ZNF609: variants seen among roughly 807,000 people sequenced by gnomAD.
ZNF609 encodes zinc finger protein 609.
A neutral mutation model predicts 109.5 loss-of-function variants in ZNF609; 11 were observed. That is an observed-to-expected ratio of 0.10 (90% CI 0.06 to 0.17). The LOEUF (loss-of-function observed/expected upper bound fraction) is 0.17, where lower values mean the gene tolerates loss of function less well. Among genes scored for constraint, ZNF609 ranks in the 10% least tolerant of loss-of-function variants. The pLI, the probability that ZNF609 is intolerant of heterozygous loss-of-function variation, is 1.00. For missense variants in ZNF609, 1,559 were observed against 1,772.4 expected (o/e 0.88, Z 2.16); for synonymous variants, 646 against 662.0 (o/e 0.98, Z 0.37).
chr15:64,616,381 G>A (rs1201812544), intron 2 of ZNF609, among the ~76,000 whole-genome samples: 2 of 152,058 alleles, frequency 1.3e-5, no homozygotes, highest in Admixed American at 6.6e-5. Flanking sequence ...GGCAGTTGAA[G>A]TAGGTATATA....
At chr15:64,681,514 A>G in intron 9 of ZNF609, 127 bp downstream of exon 9, 1 of 764,984 alleles carries the variant, frequency 1.3e-6, no homozygotes, top group Non-Finnish European at 2.2e-6. Context: ...ACCCTGGCCA[A>G]GCCTCTTGTA....
Position 64,655,355 on chromosome 15 carries a change from G to A in ZNF609, c.974-14991G>A, listed in dbSNP as rs1016433459. ...TACTCGGGAGGCAGGAGAATCGCTT[G>A]AACCTGGGAGGCGGAGGTTGTGGTG... is the stretch of plus-strand genomic sequence containing the variant. On this transcript the variant is annotated intron_variant, in intron 3 of 9. Transcript: ENST00000326648. 1.4e-4 allele frequency among the ~76,000 whole-genome samples: 21 copies of A among 151,870 alleles called. No homozygotes were observed. The East Asian group carries it at 3.9e-3, about 28-fold the overall frequency.
At chr15:64,495,441 T>C (rs948396589) in intron 1 of ZNF609, among the ~76,000 whole-genome samples, 3 of 152,194 alleles carry the variant, frequency 2.0e-5, no homozygotes, top group Admixed American at 1.3e-4. Flanking sequence ...TCGCCCAGTC[T>C]AGAGTATAGT....
chr15:64,588,883 A>G (rs1895247757), intron 2 of ZNF609, among the ~76,000 whole-genome samples: 1 of 152,004 alleles, frequency 6.6e-6, no homozygotes, highest in South Asian at 2.1e-4. Flanking sequence ...GGTTCGGGTT[A>G]TCCACCTGCC....
chr15:64,548,623 T>G (rs1239950634), intron 2 of ZNF609, among the ~76,000 whole-genome samples: 1 of 152,116 alleles, frequency 6.6e-6, no homozygotes, highest in Admixed American at 6.6e-5. Flanking sequence ...CAAAAATTAC[T>G]TGGGCATAGT....
At chr15:64,595,338 G>A (rs571416176) in intron 2 of ZNF609, among the ~76,000 whole-genome samples, 113 of 150,166 alleles carry the variant, frequency 7.5e-4, no homozygotes, top group Non-Finnish European at 1.4e-3. Flanking sequence ...TCCAGCCTGG[G>A]CGACAGAGGA....
At chr15:64,569,978 G>A (rs1440126368) in intron 2 of ZNF609, among the ~76,000 whole-genome samples, 1 of 151,964 alleles carries the variant, frequency 6.6e-6, no homozygotes, top group Non-Finnish European at 1.5e-5. Flanking sequence ...GAACGGAATT[G>A]CCTAGATCAC....
At chr15:64,628,277 G>A (rs1023176644) in intron 3 of ZNF609, among the ~76,000 whole-genome samples, 1 of 151,892 alleles carries the variant, frequency 6.6e-6, no homozygotes, top group Non-Finnish European at 1.5e-5. Context: ...TTCCAGGCTG[G>A]GTGACGGAGT....
At chr15:64,464,136 A>C (rs945321066) in intron 1 of ZNF609, among the ~76,000 whole-genome samples, 2 of 152,210 alleles carry the variant, frequency 1.3e-5, no homozygotes, top group Non-Finnish European at 2.9e-5. Context: ...ATATGGAGGC[A>C]TAATTTTGGC....
intron 8 of ZNF609, 139 bp from the exon 9 acceptor site, chr15:64,681,170 A>G (rs547695780): frequency 2.6e-6 from 2 of 772,372 alleles, no homozygotes; most frequent in East Asian, 4.9e-5. Flanking sequence ...TGAGAAATAG[A>G]GCCTTATTAT....
chr15:64,523,110 A>G (rs1452256053), intron 2 of ZNF609, among the ~76,000 whole-genome samples: 1 of 152,220 alleles, frequency 6.6e-6, no homozygotes, highest in Non-Finnish European at 1.5e-5. Context: ...GACATTTATA[A>G]TATCAGGTAT....
At chr15:64,632,559 G>A (rs1263726926) in intron 3 of ZNF609, among the ~76,000 whole-genome samples, 1 of 151,894 alleles carries the variant, frequency 6.6e-6, no homozygotes, top group Non-Finnish European at 1.5e-5. Context: ...TTGGCTCACT[G>A]CAACCTCCAC....
At chr15:64,492,275 A>G (rs1893424342) in intron 1 of ZNF609, among the ~76,000 whole-genome samples, 1 of 152,096 alleles carries the variant, frequency 6.6e-6, no homozygotes. Flanking sequence ...GCCACATGTG[A>G]AGGTAGGCAT....
intron 3 of ZNF609, among the ~76,000 whole-genome samples, chr15:64,658,600 A>G (rs1394068150): frequency 6.6e-6 from 1 of 152,024 alleles, no homozygotes. Flanking sequence ...TATAATATAC[A>G]TATTATGTAT....
intron 2 of ZNF609, among the ~76,000 whole-genome samples, chr15:64,605,670 A>G (rs1463956842): frequency 6.6e-6 from 1 of 152,052 alleles, no homozygotes; most frequent in Non-Finnish European, 1.5e-5. Flanking sequence ...GAAAGATTGC[A>G]TAATGTTATT....
chr15:64,469,427 CAAAAA>C (rs34210041), intron 1 of ZNF609, among the ~76,000 whole-genome samples: 9 of 73,570 alleles, frequency 1.2e-4, no homozygotes, highest in Admixed American at 1.9e-4. Flanking sequence ...ACCCTATTTC[CAAAAA>C]AAAAAAAAAA....
At chr15:64,673,818 A>G in intron 4 of ZNF609, 98 bp from the exon 5 acceptor site, 1 of 1,304,816 alleles carries the variant, frequency 7.7e-7, no homozygotes, top group Non-Finnish European at 1.0e-6. Context: ...ATTGAAAATG[A>G]TAGTCACCAT....
intron 2 of ZNF609, among the ~76,000 whole-genome samples, chr15:64,506,978 G>A (rs1207650861): frequency 6.6e-6 from 1 of 152,128 alleles, no homozygotes; most frequent in African/African-American, 2.4e-5. Context: ...TCCAAATCTA[G>A]GCTGGGAAAT....
intron 2 of ZNF609, among the ~76,000 whole-genome samples, chr15:64,594,882 CG>C (rs1396188849): frequency 2.4e-4 from 36 of 150,540 alleles, no homozygotes; most frequent in African/African-American, 8.5e-4. Context: ...AAAAATTAGC[CG>C]GGCGCAGTGG....
Sources: allele counts gnomAD v4.1 joint callset (sites outside exome capture counted in the v4.1 genomes callset), GRCh38; gene constraint gnomAD v4.1.1; transcripts MANE v1.5; gene names NCBI Gene and HGNC (gene_info 2026-07-23, HGNC 2026-07-21).